The following STAT3 variants were observed in gnomAD, a reference collection of about 807,000 sequenced individuals.
The protein encoded by STAT3 is DNA-binding protein APRF.
A neutral mutation model predicts 114.3 loss-of-function variants in STAT3; 7 were observed. The ratio of observed to expected loss-of-function variants is 0.06; its 90% confidence interval spans 0.03 to 0.11. The LOEUF (loss-of-function observed/expected upper bound fraction) is 0.11, where lower values mean the gene tolerates loss of function less well. STAT3 is among the 10% of genes least tolerant of loss of function. STAT3 has a pLI of 1.00. For synonymous variants in STAT3, 331 were observed against 354.5 expected (o/e 0.93, Z 0.74); for missense variants, 364 against 960.9 (o/e 0.38, Z 8.21).
intron 1 of STAT3, among the ~76,000 whole-genome samples, chr17:42,360,568 TG>T (rs958924447): frequency 4.6e-5 from 7 of 151,732 alleles, no homozygotes; most frequent in African/African-American, 1.7e-4. Flanking sequence ...TGCTTGAACC[TG>T]GGAGGCAGAG....
intron 22 of STAT3, 100 bp downstream of exon 22, chr17:42,317,082 T>G: frequency 6.3e-7 from 1 of 1,592,734 alleles, no homozygotes; most frequent in South Asian, 1.1e-5. Context: ...GCCCAGGGGC[T>G]TCCAACCTTT....
In STAT3 at chr17:42,337,645, T is replaced by A; in HGVS notation, c.646-59A>T. The A allele has an allele frequency of 6.2e-7, 1 of 1,614,074 alleles. No individual in the cohort carries two copies. The highest frequency in any genetic ancestry group is 1.7e-4 in the Middle Eastern group (1 of 6,046). ...TTCCTCAGACTGTCTCTAACCACAT[T>A]CTTTAGTCAACTCCAGAGCAGGAAC... On this transcript the variant is annotated intron_variant, in intron 7 of 23. Coordinates refer to ENST00000264657, the MANE Select transcript of STAT3 (RefSeq NM_139276.3). This position sits in a 1 kb window ranked among gnomAD's most constrained non-coding sequence, Gnocchi z 4.0.
At chr17:42,326,562 C>T (rs771903751) in intron 14 of STAT3, among the ~76,000 whole-genome samples, 2 of 151,486 alleles carry the variant, frequency 1.3e-5, no homozygotes, top group East Asian at 1.9e-4. Context: ...CTCACACCTA[C>T]AATCCCAGCA....
chr17:42,323,244 A>G lies in STAT3; in HGVS notation c.1748+16T>C. ...AGGGGACTTGGTTACATCTGTGCACACTCTGTCCAACCTACCCTTCGTTCC... is the reference window on the plus strand; with the variant it reads ...AGGGGACTTGGTTACATCTGTGCACGCTCTGTCCAACCTACCCTTCGTTCC... On this transcript the variant is annotated intron_variant, in intron 19 of 23. Transcript: ENST00000264657. 2 of 1,614,030 alleles carry G rather than the reference A, an allele frequency of 1.2e-6. No individual in the cohort carries two copies. The highest frequency in any genetic ancestry group is 8.5e-7 in the Non-Finnish European group (1 of 1,179,984).
chr17:42,339,523 T>C, intron 4 of STAT3, 114 bp from the exon 5 acceptor site: 1 of 996,210 alleles, frequency 1.0e-6, no homozygotes, highest in South Asian at 1.3e-5. Flanking sequence ...GAGACGCTGC[T>C]GCCATCACAA....
chr17:42,338,791 C>T lies in STAT3; in HGVS notation c.490G>A (p.Val164Met). 4 of 1,613,624 alleles carry T rather than the reference C, an allele frequency of 2.5e-6. No homozygotes were observed. The highest frequency in any genetic ancestry group is 3.4e-6 in the Non-Finnish European group (4 of 1,179,860). Residue 164 changes from valine (V) to methionine (M), a missense_variant, in exon 6 of 24, where the codon GTG becomes ATG. By Grantham distance (21) the Val-to-Met change is conservative. Around this residue, in one of 5 missense-constraint regions of STAT3, gnomAD observed 294 missense variants for 745.1 expected, o/e 0.39. Coordinates refer to ENST00000264657, the MANE Select transcript of STAT3 (RefSeq NM_139276.3). ...AAGTCATCCTGGAGATTCTCTACCA[C>T]TTTCATTTTCTGTTCTAGATCCTGT... ...RVQDLEQKMKVVENLQDDFDF... is the reference protein window; with the variant it reads ...RVQDLEQKMKMVENLQDDFDF...
chr17:42,335,633 T>C (rs2082198782), intron 8 of STAT3, among the ~76,000 whole-genome samples: 1 of 152,188 alleles, frequency 6.6e-6, no homozygotes, highest in African/African-American at 2.4e-5. Flanking sequence ...AATAGAGATA[T>C]TAGGCCAGGT....
intron 1 of STAT3, among the ~76,000 whole-genome samples, chr17:42,365,170 G>A (rs942566106): frequency 2.0e-5 from 3 of 152,126 alleles, no homozygotes; most frequent in African/African-American, 7.2e-5. Flanking sequence ...TGCTGAAAGC[G>A]GCGAGATGTC....
chr17:42,367,618 G>A (rs2083878764), intron 1 of STAT3, among the ~76,000 whole-genome samples: 1 of 152,074 alleles, frequency 6.6e-6, no homozygotes, highest in Non-Finnish European at 1.5e-5. Flanking sequence ...TCAGGTCTCT[G>A]CACAATGTCT....
chr17:42,351,129 C>CAAAAAAAAAAAAA (rs139529559), intron 1 of STAT3, among the ~76,000 whole-genome samples: 1 of 77,274 alleles, frequency 1.3e-5, no homozygotes, highest in Non-Finnish European at 2.9e-5. Context: ...GACTCCATCT[C>CAAAAAAAAAAAAA]AAAAAAAAAA....
chr17:42,359,327 A>G lies in STAT3; in HGVS notation c.-23-10788T>C, dbSNP rs550792153. 2.5e-3 allele frequency among the ~76,000 whole-genome samples: 380 copies of G among 152,262 alleles called. 1 individual carries two copies. The highest frequency in any genetic ancestry group is 8.7e-3 in the African/African-American group (363 of 41,546). ...TAGGGGTTAAGTGTGATAATCACTA[A>G]TCAGCTTTCCCTGCTAAGTAAAATA... On this transcript the variant is annotated intron_variant, in intron 1 of 23. Coordinates refer to ENST00000264657, the MANE Select transcript of STAT3 (RefSeq NM_139276.3).
At chr17:42,387,175 A>T (rs1447822794) in intron 1 of STAT3, 2 of 152,160 alleles carry the variant, frequency 1.3e-5, no homozygotes, top group South Asian at 2.1e-4. Flanking sequence ...ATTTTTAATT[A>T]AAAAAATGAC....
At position 42,323,524 on chromosome 17, in the gene STAT3, G is replaced by A. The variant is rs760060226; in HGVS notation, c.1653+49C>T. ...CAAGCCAGAGCCCTCAACGACAGCC[G>A]TGCAGGTGAGCATTCCCATTCCCAC... On this transcript the variant is annotated intron_variant, in intron 18 of 23. Transcript: ENST00000264657. 4.1e-5 allele frequency: 65 copies of A among 1,602,834 alleles called. 1 individual carries two copies. Among genetic ancestry groups the A allele is most frequent in the East Asian group, 4.5e-5 (2 of 44,830 alleles).
At chr17:42,316,097 C>G in intron 23 of STAT3, 1 of 1,342,700 alleles carries the variant, frequency 7.4e-7, no homozygotes, top group South Asian at 1.7e-5. Context: ...TCAGGAGCCC[C>G]GAGACACACG....
Position 42,324,572 on chromosome 17 carries a change from T to G in STAT3, c.1600+139A>C. 1.6e-6 allele frequency: 2 copies of G among 1,275,158 alleles called. No individual in the cohort carries two copies. Among genetic ancestry groups the G allele is most frequent in the Non-Finnish European group, 2.2e-6 (2 of 922,718 alleles). The allele number at this position is 1,275,158 out of a possible 1,614,324, so 79.0% of individuals were successfully genotyped here. On this transcript the variant is annotated intron_variant, in intron 17 of 23. Coordinates refer to ENST00000264657, the MANE Select transcript of STAT3 (RefSeq NM_139276.3). The surrounding 1 kb of genome is among the most constrained non-coding windows in gnomAD (Gnocchi z 4.5). ...ACCCCAACTCCCCAACTCCCCTGTTTCCTGGCACCAGCACAGCGCCTTGCT... is the reference window on the plus strand; with the variant it reads ...ACCCCAACTCCCCAACTCCCCTGTTGCCTGGCACCAGCACAGCGCCTTGCT...
intron 4 of STAT3, among the ~76,000 whole-genome samples, chr17:42,341,969 C>G (rs566820292): frequency 6.6e-6 from 1 of 152,178 alleles, no homozygotes; most frequent in South Asian, 2.1e-4. Context: ...CTTTGGCTTT[C>G]CTACCTCCCA....
intron 1 of STAT3, among the ~76,000 whole-genome samples, chr17:42,358,373 G>A (rs150921933): frequency 1.8e-3 from 268 of 152,152 alleles, no homozygotes; most frequent in African/African-American, 5.9e-3. Context: ...ATACCACTGC[G>A]CTCCAGCCTG....
intron 1 of STAT3, among the ~76,000 whole-genome samples, chr17:42,354,938 A>G (rs1219936598): frequency 2.0e-5 from 3 of 152,190 alleles, no homozygotes; most frequent in Non-Finnish European, 4.4e-5. Flanking sequence ...CTTAAAGCCA[A>G]AGACCAGGTA....
Position 42,333,980 on chromosome 17 carries a change from T to G in STAT3, c.867A>C (p.Gln289His). ...QQIKKLEELQQKVSYKGDPIV... is the reference protein window; with the variant it reads ...QQIKKLEELQHKVSYKGDPIV... ...TGGGGTCCCCTTTGTAGGAAACTTT[T>G]TGCTGCAACTCCTCCAGTTTCTTAA... The change falls in exon 9 of 24, where the codon CAA becomes CAC. Residue 289 changes from glutamine (Q) to histidine (H), a missense_variant. Gln to His is a conservative substitution (Grantham distance 24). This residue lies in a region of STAT3 where 294 missense variants were observed against 745.1 expected (regional missense o/e 0.39). Coordinates refer to ENST00000264657, the MANE Select transcript of STAT3 (RefSeq NM_139276.3). The surrounding 1 kb of genome is among the most constrained non-coding windows in gnomAD (Gnocchi z 5.2). 6.2e-7 allele frequency: 1 copy of G among 1,614,194 alleles called. No homozygotes were observed. Among genetic ancestry groups the G allele is most frequent in the Non-Finnish European group, 8.5e-7 (1 of 1,180,030 alleles).
Sources: gnomAD v4.1 joint callset for allele counts (sites outside exome capture counted in the v4.1 genomes callset) on GRCh38, gnomAD v4.1.1 for gene constraint, gnomAD v4.1.1 regional missense constraint, Gnocchi (gnomAD v3.1) non-coding constraint, MANE v1.5 for transcripts, NCBI Gene and HGNC (gene_info 2026-07-23, HGNC 2026-07-21) for gene names.